LCORL: variants seen among roughly 807,000 people sequenced by gnomAD.
The protein encoded by LCORL is ligand dependent nuclear receptor corepressor like, also known as ligand-dependent nuclear receptor corepressor-like protein.
In LCORL, 41 loss-of-function variants were observed where a neutral mutation model predicts 141.8. That is an observed-to-expected ratio of 0.29 (90% CI 0.23 to 0.38). LCORL has a LOEUF of 0.38. Among genes scored for constraint, LCORL ranks in the 10% least tolerant of loss-of-function variants. LCORL has a pLI of 1.00. For missense variants in LCORL, 1,759 were observed against 2,035.0 expected (o/e 0.86, Z 2.61); for synonymous variants, 618 against 694.1 (o/e 0.89, Z 1.72).
At chr4:17,929,208 A>G (rs981408831) in intron 4 of LCORL, among the ~76,000 whole-genome samples, 4 of 152,152 alleles carry the variant, frequency 2.6e-5, no homozygotes, top group African/African-American at 9.7e-5. Flanking sequence ...ATACTCCCCA[A>G]TTTTTATCAA....
chr4:17,990,642 GTT>G (rs979642708), intron 1 of LCORL, among the ~76,000 whole-genome samples: 7 of 131,330 alleles, frequency 5.3e-5, no homozygotes, highest in East Asian at 2.2e-4. Context: ...TCCCATCTTG[GTT>G]TTTTTTTTTT....
intron 6 of LCORL, chr4:17,881,432 A>C (rs1727561992): frequency 5.4e-6 from 5 of 930,190 alleles, no homozygotes; most frequent in South Asian, 9.9e-5. Context: ...TGTTTCTTTT[A>C]AAAGTTATGG....
intron 7 of LCORL, among the ~76,000 whole-genome samples, chr4:17,872,073 T>C (rs1726403542): frequency 8.6e-6 from 1 of 116,920 alleles, no homozygotes; most frequent in Non-Finnish European, 1.9e-5. Context: ...TTAAAAAGAG[T>C]AGTAAAAATA....
At chr4:17,865,975 T>C (rs1448527319) in intron 7 of LCORL, among the ~76,000 whole-genome samples, 1 of 152,178 alleles carries the variant, frequency 6.6e-6, no homozygotes, top group African/African-American at 2.4e-5. Context: ...CCAATTTAAA[T>C]CTCCGCCCTA....
intron 5 of LCORL, among the ~76,000 whole-genome samples, chr4:17,902,718 C>G (rs1577371997): frequency 6.6e-6 from 1 of 152,044 alleles, no homozygotes; most frequent in Non-Finnish European, 1.5e-5. Flanking sequence ...AAATATGCGG[C>G]TGAAATTCAT....
chr4:17,909,968 C>T (rs1202652719), intron 4 of LCORL, among the ~76,000 whole-genome samples: 2 of 152,074 alleles, frequency 1.3e-5, no homozygotes, highest in Admixed American at 6.5e-5. Context: ...AATTAGCTTT[C>T]TTTTTACTTT....
At chr4:17,907,115 T>C (rs1731764143) in intron 5 of LCORL, among the ~76,000 whole-genome samples, 1 of 152,216 alleles carries the variant, frequency 6.6e-6, no homozygotes, top group African/African-American at 2.4e-5. Context: ...TGAAATCTGT[T>C]TCCCTCTAAC....
chr4:17,986,518 A>G (rs7668933), intron 1 of LCORL, among the ~76,000 whole-genome samples: 37,458 of 152,002 alleles, frequency 0.25, 6,049 homozygotes, highest in African/African-American at 0.46. Context: ...TTCAAGTTCC[A>G]AGATTACTTC....
chr4:17,982,691 T>C (rs1299724114), intron 1 of LCORL, among the ~76,000 whole-genome samples: 1 of 152,214 alleles, frequency 6.6e-6, no homozygotes, highest in Admixed American at 6.5e-5. Context: ...ATGCATAGTT[T>C]GAAAATATTT....
chr4:17,980,751 C>G (rs913252220), intron 1 of LCORL, among the ~76,000 whole-genome samples: 2 of 152,234 alleles, frequency 1.3e-5, no homozygotes, highest in African/African-American at 2.4e-5. Flanking sequence ...AGGGACCACA[C>G]AGCAGGAGGT....
At chr4:17,997,028 T>C (rs1721025372) in intron 1 of LCORL, among the ~76,000 whole-genome samples, 2 of 152,148 alleles carry the variant, frequency 1.3e-5, no homozygotes, top group South Asian at 4.1e-4. Context: ...TGACGCTGTT[T>C]AAACATTTGA....
chr4:17,927,724 A>C (rs1481747351), intron 4 of LCORL, among the ~76,000 whole-genome samples: 1 of 152,208 alleles, frequency 6.6e-6, no homozygotes, highest in Non-Finnish European at 1.5e-5. Context: ...TCATCTTCTC[A>C]TATGGGAGTG....
At chr4:17,954,414 C>G (rs138454747) in intron 4 of LCORL, among the ~76,000 whole-genome samples, 3 of 152,174 alleles carry the variant, frequency 2.0e-5, no homozygotes, top group Admixed American at 2.0e-4. Flanking sequence ...TTCAAAAGAA[C>G]GAATAATAAG....
At chr4:17,887,666 A>G (rs1010180847) in intron 5 of LCORL, among the ~76,000 whole-genome samples, 5 of 152,204 alleles carry the variant, frequency 3.3e-5, no homozygotes, top group Non-Finnish European at 5.9e-5. Flanking sequence ...GGCCATGGCA[A>G]GAACTTCGCA....
intron 1 of LCORL, among the ~76,000 whole-genome samples, chr4:17,986,920 CT>C (rs1239991108): frequency 6.6e-6 from 1 of 151,846 alleles, no homozygotes; most frequent in African/African-American, 2.4e-5. Flanking sequence ...TTGAGTGGTT[CT>C]TTTGGTTTAA....
chr4:17,952,243 C>T (rs1314895300), intron 4 of LCORL, among the ~76,000 whole-genome samples: 2 of 152,090 alleles, frequency 1.3e-5, no homozygotes, highest in East Asian at 3.9e-4. Context: ...AAAAACAGGG[C>T]CCCAAATAGA....
exon 8 of LCORL, chr4:17,842,647 C>G (rs1043687394): frequency 3.1e-6 from 1 of 319,582 alleles, no homozygotes. Context: ...GATGTGACTC[C>G]TCTTTGATCT....
At chr4:17,894,952 C>G (rs34639194) in intron 5 of LCORL, among the ~76,000 whole-genome samples, 18,474 of 151,540 alleles carry the variant, frequency 0.12, 1,266 homozygotes, top group South Asian at 0.24. Flanking sequence ...CTGATGGTGA[C>G]AGTCTGACCC....
intron 6 of LCORL, chr4:17,882,191 A>G: frequency 2.0e-6 from 2 of 984,548 alleles, no homozygotes; most frequent in Non-Finnish European, 2.4e-6. Flanking sequence ...ACACACAAAC[A>G]CAAGTGTAAA....
Sources: gnomAD v4.1 joint callset for allele counts (sites outside exome capture counted in the v4.1 genomes callset) on GRCh38, gnomAD v4.1.1 for gene constraint, MANE v1.5 for transcripts, NCBI Gene and HGNC (gene_info 2026-07-23, HGNC 2026-07-21) for gene names.